Variants in NPAS3 observed in about 807,000 individuals in gnomAD.
NPAS3 encodes the protein neuronal PAS domain-containing protein 3.
In NPAS3, 14 loss-of-function variants were observed where a neutral mutation model predicts 73.1. The observed-to-expected ratio is 0.19, with a 90% confidence interval of 0.13 to 0.30. The LOEUF (loss-of-function observed/expected upper bound fraction) is 0.30. NPAS3 is among the 10% of genes least tolerant of loss of function. The pLI is 1.00. For missense variants in NPAS3, 1,096 were observed against 1,250.0 expected (o/e 0.88, Z 1.86); for synonymous variants, 620 against 541.5 (o/e 1.14, Z -2.01).
intron 3 of NPAS3, among the ~76,000 whole-genome samples, chr14:33,364,687 G>GA (rs2045757068): frequency 6.6e-6 from 1 of 152,156 alleles, no homozygotes; most frequent in South Asian, 2.1e-4. Flanking sequence ...CATGGATGAA[G>GA]ACATTTCCTC....
chr14:33,218,016 A>G (rs867082926), intron 3 of NPAS3, among the ~76,000 whole-genome samples: 2 of 152,218 alleles, frequency 1.3e-5, no homozygotes, highest in Middle Eastern at 3.4e-3. Context: ...GTGGCCTTCA[A>G]TTCCACTCTT....
intron 3 of NPAS3, among the ~76,000 whole-genome samples, chr14:33,320,029 C>T (rs2043370496): frequency 6.6e-6 from 1 of 152,044 alleles, no homozygotes; most frequent in Non-Finnish European, 1.5e-5. Context: ...AGATTCCTTC[C>T]CAGTGTTCCT....
intron 7 of NPAS3, among the ~76,000 whole-genome samples, chr14:33,762,259 T>C (rs2062317964): frequency 6.6e-6 from 1 of 152,178 alleles, no homozygotes; most frequent in Non-Finnish European, 1.5e-5. Flanking sequence ...ATGCTGTCTT[T>C]TTTTTTTCCC....
At chr14:33,683,868 T>C (rs8006719) in intron 6 of NPAS3, among the ~76,000 whole-genome samples, 7,278 of 152,312 alleles carry the variant, frequency 0.048, 584 homozygotes, top group African/African-American at 0.17. Flanking sequence ...TGATAATGGT[T>C]GGCATTCATA....
At chr14:33,551,834 C>T (rs747121713) in intron 4 of NPAS3, among the ~76,000 whole-genome samples, 5 of 152,156 alleles carry the variant, frequency 3.3e-5, no homozygotes, top group Non-Finnish European at 7.4e-5. Flanking sequence ...CTTTTGACTG[C>T]ATGTTTTCCA....
At chr14:33,051,296 A>AAAG (rs771840433) in intron 1 of NPAS3, among the ~76,000 whole-genome samples, 2 of 142,528 alleles carry the variant, frequency 1.4e-5, no homozygotes, top group African/African-American at 5.5e-5. Context: ...AAAAAAAAAA[A>AAAG]AGAGAGACTA....
upstream of NPAS3, among the ~76,000 whole-genome samples, chr14:32,938,912 G>A (rs1276247164): frequency 2.8e-5 from 4 of 144,868 alleles, no homozygotes; most frequent in African/African-American, 7.4e-5. Context: ...GGCATGCCTC[G>A]GGAGCCGGGG....
At chr14:33,679,746 G>A (rs1431524619) in intron 6 of NPAS3, among the ~76,000 whole-genome samples, 3 of 152,174 alleles carry the variant, frequency 2.0e-5, no homozygotes, top group Non-Finnish European at 4.4e-5. Context: ...AGCCTAAGAG[G>A]CAGTGATACT....
intron 2 of NPAS3, among the ~76,000 whole-genome samples, chr14:33,213,102 C>T (rs1817010958): frequency 6.6e-6 from 1 of 152,194 alleles, no homozygotes; most frequent in African/African-American, 2.4e-5. Context: ...TGTGCTACCT[C>T]TTGGCCAGAG....
At chr14:33,599,214 T>C (rs2057331421) in intron 5 of NPAS3, among the ~76,000 whole-genome samples, 1 of 152,204 alleles carries the variant, frequency 6.6e-6, no homozygotes, top group Non-Finnish European at 1.5e-5. Context: ...AGTTGAACCG[T>C]TTAAATCCAT....
intron 2 of NPAS3, among the ~76,000 whole-genome samples, chr14:33,159,695 A>G (rs981543481): frequency 6.6e-6 from 1 of 151,718 alleles, no homozygotes; most frequent in African/African-American, 2.4e-5. Context: ...CTGGGACTAC[A>G]GGCGCCCACC....
At chr14:33,553,995 C>G (rs915646880) in intron 4 of NPAS3, among the ~76,000 whole-genome samples, 3 of 152,136 alleles carry the variant, frequency 2.0e-5, no homozygotes, top group Non-Finnish European at 4.4e-5. Flanking sequence ...GTGATTGTAT[C>G]AAAAGGCCAA....
At chr14:33,237,844 T>C (rs1376432613) in intron 3 of NPAS3, among the ~76,000 whole-genome samples, 1 of 151,778 alleles carries the variant, frequency 6.6e-6, no homozygotes, top group Non-Finnish European at 1.5e-5. Flanking sequence ...GAATGCAGTA[T>C]ATAAACTATG....
chr14:33,613,651 CTCCCTTT>C (rs1235122863), intron 5 of NPAS3, among the ~76,000 whole-genome samples: 3 of 152,134 alleles, frequency 2.0e-5, no homozygotes, highest in Non-Finnish European at 4.4e-5. Flanking sequence ...CACCAGCCTT[CTCCCTTT>C]TAGCCATCAG....
At chr14:33,215,367 A>G in exon 3 of NPAS3, 1 of 1,613,428 alleles carries the variant, frequency 6.2e-7, no homozygotes, top group Non-Finnish European at 8.5e-7. Context: ...TTTGCTAACC[A>G]GGGGGACCCT....
intron 5 of NPAS3, among the ~76,000 whole-genome samples, chr14:33,670,234 T>C (rs2059573548): frequency 6.6e-6 from 1 of 152,218 alleles, no homozygotes; most frequent in Non-Finnish European, 1.5e-5. Context: ...AAGCCTCTGT[T>C]AACATATCTG....
intron 4 of NPAS3, among the ~76,000 whole-genome samples, chr14:33,549,116 G>A (rs1299060930): frequency 6.6e-6 from 1 of 152,142 alleles, no homozygotes; most frequent in Non-Finnish European, 1.5e-5. Context: ...GACAATTCAT[G>A]TACTAGATAT....
intron 3 of NPAS3, among the ~76,000 whole-genome samples, chr14:33,333,420 C>G (rs1262203975): frequency 1.3e-5 from 2 of 152,082 alleles, no homozygotes. Context: ...GCACTTTTAC[C>G]TATATTGTTA....
intron 2 of NPAS3, among the ~76,000 whole-genome samples, chr14:33,097,604 A>C (rs2042459944): frequency 6.6e-6 from 1 of 152,214 alleles, no homozygotes; most frequent in South Asian, 2.1e-4. Context: ...AGATAATGCC[A>C]ATTTTCCAAA....
Sources: allele counts gnomAD v4.1 joint callset (sites outside exome capture counted in the v4.1 genomes callset), GRCh38; gene constraint gnomAD v4.1.1; transcripts MANE v1.5; gene names NCBI Gene and HGNC (gene_info 2026-07-23, HGNC 2026-07-21).